Variants in PLAAT1 observed in about 807,000 individuals in gnomAD.
PLAAT1 encodes the protein phospholipase A and acyltransferase 1, also known as H-REV107 protein-related protein.
A neutral mutation model predicts 16.4 loss-of-function variants in PLAAT1; 13 were observed. The observed-to-expected ratio is 0.79, with a 90% CI of 0.52 to 1.26. The LOEUF (loss-of-function observed/expected upper bound fraction) is 1.26. PLAAT1 is among the 50% of genes most tolerant of loss of function. PLAAT1 has a pLI of 0.00. For missense variants in PLAAT1, 218 were observed against 207.8 expected (o/e 1.05, Z -0.30); for synonymous variants, 73 against 78.4 (o/e 0.93, Z 0.36).
chr3:193,240,654 C>CGTGTGTGT (rs370008875), upstream of PLAAT1, among the ~76,000 whole-genome samples: 6,700 of 88,426 alleles, frequency 0.076, 332 homozygotes, highest in East Asian at 0.12. Context: ...GGCTATCTGG[C>CGTGTGTGT]GTGTGTGTGT....
Position 193,263,082 on chromosome 3 carries a change from T to C in PLAAT1, c.252T>C (p.Asn84=). The C allele has an allele frequency of 6.2e-7, 1 of 1,614,032 alleles. No individual in the cohort carries two copies. Among genetic ancestry groups the C allele is most frequent in the Non-Finnish European group, 8.5e-7 (1 of 1,180,010 alleles). Residue 84 remains asparagine (N), a synonymous_variant, in exon 3 of 4, where the codon AAT becomes AAC. Transcript: ENST00000264735. ...GAAATGACACATACAGAATAAACAATAAATACGATGAAACGTACCCCCCTC... is the reference window on the plus strand; with the variant it reads ...GAAATGACACATACAGAATAAACAACAAATACGATGAAACGTACCCCCCTC... ...VVGNDTYRIN[N]KYDETYPPLP...
At chr3:193,274,750 C>A, downstream of PLAAT1, 1 of 406,704 alleles carries the variant, frequency 2.5e-6, no homozygotes, top group Non-Finnish European at 4.3e-6. Flanking sequence ...ACTAATTTGA[C>A]TACAGTACCA....
intron 3 of PLAAT1, among the ~76,000 whole-genome samples, chr3:193,270,083 C>G (rs1464988748): frequency 6.6e-6 from 1 of 151,824 alleles, no homozygotes; most frequent in African/African-American, 2.4e-5. Flanking sequence ...CACACACACA[C>G]ACACACACAC....
At chr3:193,242,280 C>G (rs1715794070) in intron 1 of PLAAT1, among the ~76,000 whole-genome samples, 1 of 152,016 alleles carries the variant, frequency 6.6e-6, no homozygotes, top group African/African-American at 2.4e-5. Context: ...CCACAAGAGA[C>G]AATTTCCCAG....
intron 2 of PLAAT1, chr3:193,276,687 C>T (rs1486505279): frequency 1.2e-5 from 14 of 1,191,672 alleles, no homozygotes; most frequent in East Asian, 2.4e-5. Flanking sequence ...AAAATAAGCA[C>T]CTGCTGAAAA....
In PLAAT1 at chr3:193,265,594, T is replaced by C. The variant is rs75373676; in HGVS notation, c.405+2359T>C. ...AGTCTATGAATATACTAAAAAACAT[T>C]GAACTACATTATTTCAGTGGGTAAA... On this transcript the variant is annotated intron_variant, in intron 3 of 3. Transcript: ENST00000264735. 4.5e-3 allele frequency among the ~76,000 whole-genome samples: 686 copies of C among 152,328 alleles called. 7 individuals are homozygous for C. The highest frequency in any genetic ancestry group is 0.016 in the African/African-American group (645 of 41,570).
intron 2 of PLAAT1, chr3:193,276,911 G>T: frequency 9.5e-7 from 1 of 1,047,586 alleles, no homozygotes; most frequent in Non-Finnish European, 1.4e-6. Flanking sequence ...TTAATTTATA[G>T]ATTTGTAATA....
intron 1 of PLAAT1, among the ~76,000 whole-genome samples, chr3:193,251,524 C>T (rs1221460770): frequency 4.6e-5 from 7 of 152,250 alleles, no homozygotes; most frequent in South Asian, 2.1e-4. Context: ...CTTTGTTTTT[C>T]GTGCTTGAGG....
At chr3:193,279,816 G>T (rs1405489130), downstream of PLAAT1, among the ~76,000 whole-genome samples, 1 of 151,770 alleles carries the variant, frequency 6.6e-6, no homozygotes, top group Admixed American at 6.6e-5. Flanking sequence ...ATAAAGTTCA[G>T]GGATCCTCTA....
Position 193,276,613 on chromosome 3 carries a change from A to C in PLAAT1, c.*60-1023A>C. ...CCCCCCAAAATTTTCCTCCAAAAGA[A>C]TATGTACCATTTTAATAAACCCTTA... On this transcript the variant is annotated intron_variant and NMD_transcript_variant, in intron 2 of 2. Transcript: ENST00000416012. The C allele has an allele frequency of 4.7e-6, 3 of 640,264 alleles. No individual in the cohort carries two copies. In the South Asian group the frequency reaches 6.5e-5, roughly 14 times the overall value. The allele number at this position is 640,264 out of a possible 1,614,324, so 39.7% of individuals were successfully genotyped here.
downstream of PLAAT1, chr3:193,275,294 G>A: frequency 6.2e-7 from 1 of 1,612,570 alleles, no homozygotes; most frequent in South Asian, 1.1e-5. Flanking sequence ...GATTTTGAAG[G>A]ATGGAATCCT....
chr3:193,265,377 C>G (rs1057240885), intron 3 of PLAAT1, among the ~76,000 whole-genome samples: 1 of 152,108 alleles, frequency 6.6e-6, no homozygotes, highest in Non-Finnish European at 1.5e-5. Flanking sequence ...GCCTACTTAG[C>G]CAATCACAAG....
At chr3:193,269,238 TAAGAAATC>T (rs946429896) in intron 3 of PLAAT1, among the ~76,000 whole-genome samples, 4 of 152,164 alleles carry the variant, frequency 2.6e-5, no homozygotes, top group Admixed American at 1.3e-4. Flanking sequence ...ATAAAATAGA[TAAGAAATC>T]AAATAAAATC....
intron 3 of PLAAT1, among the ~76,000 whole-genome samples, chr3:193,263,501 T>C (rs1042532938): frequency 7.1e-4 from 106 of 149,666 alleles, no homozygotes; most frequent in Non-Finnish European, 1.3e-3. Context: ...CCTTTTAGTC[T>C]TTTTTTCCTG....
intron 3 of PLAAT1, among the ~76,000 whole-genome samples, chr3:193,270,077 C>T (rs976701854): frequency 1.1e-4 from 17 of 151,500 alleles, no homozygotes; most frequent in African/African-American, 1.9e-4. Context: ...GAAACACACA[C>T]ACACACACAC....
At chr3:193,241,881 T>C (rs184336712) in intron 1 of PLAAT1, among the ~76,000 whole-genome samples, 4 of 152,338 alleles carry the variant, frequency 2.6e-5, no homozygotes, top group African/African-American at 7.2e-5. Flanking sequence ...ACTATTAATA[T>C]GACTCGTGCT....
At chr3:193,266,647 G>A (rs779507421) in intron 3 of PLAAT1, among the ~76,000 whole-genome samples, 9 of 152,072 alleles carry the variant, frequency 5.9e-5, no homozygotes, top group Admixed American at 1.3e-4. Flanking sequence ...AACACAGATC[G>A]TTTGAAAGAT....
chr3:193,259,833 A>G (rs1716517160), intron 2 of PLAAT1, among the ~76,000 whole-genome samples: 1 of 152,224 alleles, frequency 6.6e-6, no homozygotes, highest in African/African-American at 2.4e-5. Flanking sequence ...ATTTCTATCA[A>G]GCTACCAATG....
chr3:193,261,072 C>G (rs1387728668), intron 2 of PLAAT1, among the ~76,000 whole-genome samples: 1 of 152,054 alleles, frequency 6.6e-6, no homozygotes, highest in Non-Finnish European at 1.5e-5. Context: ...AATTTATTAA[C>G]AAAAAGTGTA....
Sources: allele counts gnomAD v4.1 joint callset (sites outside exome capture counted in the v4.1 genomes callset), GRCh38; gene constraint gnomAD v4.1.1; transcripts MANE v1.5; gene names NCBI Gene and HGNC (gene_info 2026-07-23, HGNC 2026-07-21).